The following DPP10 variants were observed in gnomAD, a reference collection of about 807,000 sequenced individuals.
DPP10 encodes inactive dipeptidyl peptidase 10.
Under a neutral mutation model 120.9 loss-of-function variants are expected in DPP10, and 33 were observed. The ratio of observed to expected loss-of-function variants is 0.27; its 90% CI spans 0.21 to 0.37. The LOEUF (loss-of-function observed/expected upper bound fraction) is 0.37. DPP10 is among the 10% of genes least tolerant of loss of function. The pLI is 1.00. For synonymous variants in DPP10, 337 were observed against 326.1 expected, an observed-to-expected ratio of 1.03 and a Z score of -0.36; for missense variants, 816 against 942.8, an observed-to-expected ratio of 0.87 and a Z score of 1.76.
intron 1 of DPP10, among the ~76,000 whole-genome samples, chr2:114,764,333 G>T (rs1574133250): frequency 4.1e-5 from 4 of 97,022 alleles, no homozygotes; most frequent in Admixed American, 3.6e-4. Flanking sequence ...GCTCTTTCTT[G>T]CTGAGTTATT....
intron 1 of DPP10, among the ~76,000 whole-genome samples, chr2:115,238,708 A>G (rs1031254109): frequency 6.6e-6 from 1 of 152,220 alleles, no homozygotes; most frequent in East Asian, 1.9e-4. Context: ...ATTTACTCCC[A>G]GTAAATACGA....
At chr2:114,850,176 G>A (rs544701720) in intron 1 of DPP10, among the ~76,000 whole-genome samples, 103 of 151,520 alleles carry the variant, frequency 6.8e-4, no homozygotes, top group African/African-American at 2.2e-3. Context: ...GCACACCACC[G>A]TGCCTGACTA....
intron 17 of DPP10, among the ~76,000 whole-genome samples, chr2:115,790,322 A>G (rs112439759): frequency 0.013 from 1,957 of 148,140 alleles, 46 homozygotes; most frequent in African/African-American, 0.044. Flanking sequence ...CTCATGATCC[A>G]CCCGCCTCGG....
At chr2:115,534,265 G>A (rs1281610942) in intron 5 of DPP10, among the ~76,000 whole-genome samples, 11 of 151,608 alleles carry the variant, frequency 7.3e-5, no homozygotes, top group Non-Finnish European at 1.3e-4. Context: ...CCCCACTCCC[G>A]GCACCCCACA....
chr2:114,721,653 G>C (rs1174724870), intron 1 of DPP10, among the ~76,000 whole-genome samples: 3 of 152,188 alleles, frequency 2.0e-5, no homozygotes, highest in Non-Finnish European at 4.4e-5. Flanking sequence ...CCTGCTGATA[G>C]TCACTGCCAT....
rs1049046238 is a variant in DPP10 at position 114,474,082 on chromosome 2, C to T, written c.60+31244C>T. On this transcript the variant is annotated intron_variant, in intron 1 of 25. Transcript: ENST00000410059. ...AAGCTATTCTCCCGCCTCAGCCTCC[C>T]GAGTAGCTGGGATTACAGGCGTGCA... 4.6e-5 allele frequency among the ~76,000 whole-genome samples: 7 copies of T among 152,232 alleles called. No homozygotes were observed. In the South Asian group the frequency reaches 6.2e-4, roughly 14 times the overall value.
chr2:115,055,371 G>GT (rs1190729567), intron 1 of DPP10, among the ~76,000 whole-genome samples: 1 of 152,052 alleles, frequency 6.6e-6, no homozygotes, highest in East Asian at 1.9e-4. Context: ...CACTGGAAAT[G>GT]TTTTGTTGTT....
intron 1 of DPP10, among the ~76,000 whole-genome samples, chr2:115,239,810 T>C (rs1209882243): frequency 3.3e-5 from 5 of 152,106 alleles, no homozygotes; most frequent in Admixed American, 3.3e-4. Context: ...TGTCCATGCG[T>C]TCTCATTGTT....
chr2:115,543,284 C>T (rs909265641), intron 5 of DPP10, among the ~76,000 whole-genome samples: 1 of 151,964 alleles, frequency 6.6e-6, no homozygotes, highest in Non-Finnish European at 1.5e-5. Flanking sequence ...AAGTCTCAGT[C>T]TTTCACTCTA....
chr2:114,995,211 C>A (rs1701002261), intron 1 of DPP10, among the ~76,000 whole-genome samples: 1 of 152,182 alleles, frequency 6.6e-6, no homozygotes. Flanking sequence ...CAGCCGTGGC[C>A]ATCCTGGACC....
chr2:114,537,241 C>T (rs900042903), intron 1 of DPP10, among the ~76,000 whole-genome samples: 2 of 152,102 alleles, frequency 1.3e-5, no homozygotes, highest in African/African-American at 2.4e-5. Context: ...GCTAGACTAC[C>T]GTGAGATCTG....
intron 1 of DPP10, among the ~76,000 whole-genome samples, chr2:114,679,004 A>T (rs1360903985): frequency 6.6e-6 from 1 of 152,058 alleles, no homozygotes; most frequent in Non-Finnish European, 1.5e-5. Context: ...TATCCAAACA[A>T]TTTGAGACCC....
chr2:115,729,329 T>C (rs1313714595), intron 8 of DPP10, among the ~76,000 whole-genome samples: 1 of 152,182 alleles, frequency 6.6e-6, no homozygotes, highest in African/African-American at 2.4e-5. Context: ...CTTCAAAATA[T>C]TATTGGTACT....
intron 21 of DPP10, among the ~76,000 whole-genome samples, chr2:115,830,662 T>A (rs756265966): frequency 3.9e-5 from 6 of 152,124 alleles, no homozygotes; most frequent in Non-Finnish European, 7.4e-5. Context: ...TGGTGAGAGT[T>A]TGATTCCAAA....
chr2:114,771,901 C>T lies in DPP10; in HGVS notation c.60+329063C>T, dbSNP rs1312238529. 3.3e-5 allele frequency among the ~76,000 whole-genome samples: 5 copies of T among 152,138 alleles called. No individual in the cohort carries two copies. The Middle Eastern group carries it at 0.01, about 310-fold the overall frequency. On this transcript the variant is annotated intron_variant, in intron 1 of 25. Coordinates refer to ENST00000410059, the MANE Select transcript of DPP10 (RefSeq NM_020868.6). ...TTTTTTTTTCCAAGGAAGCAGATTA[C>T]GTCTTGAAACACCCTTTACTCTCAG... is the stretch of plus-strand genomic sequence containing the variant.
At chr2:114,951,309 G>T (rs961239659) in intron 1 of DPP10, among the ~76,000 whole-genome samples, 1 of 152,046 alleles carries the variant, frequency 6.6e-6, no homozygotes, top group African/African-American at 2.4e-5. Flanking sequence ...CCATACTATT[G>T]TCATGTTTAT....
intron 5 of DPP10, among the ~76,000 whole-genome samples, chr2:115,686,814 T>C (rs2091014278): frequency 6.6e-6 from 1 of 151,970 alleles, no homozygotes; most frequent in South Asian, 2.1e-4. Context: ...CTCTAATAAG[T>C]AGTGGAACAT....
At chr2:114,876,076 C>A (rs1042932355) in intron 1 of DPP10, among the ~76,000 whole-genome samples, 18 of 151,874 alleles carry the variant, frequency 1.2e-4, no homozygotes, top group African/African-American at 4.4e-4. Flanking sequence ...AAATATTTGA[C>A]AAGCACTTTA....
chr2:114,878,353 T>C (rs1450673642), intron 1 of DPP10, among the ~76,000 whole-genome samples: 1 of 152,128 alleles, frequency 6.6e-6, no homozygotes, highest in African/African-American at 2.4e-5. Context: ...TTCTGATACA[T>C]GCATACAAAG....
Sources: allele counts gnomAD v4.1 joint callset (sites outside exome capture counted in the v4.1 genomes callset), GRCh38; gene constraint gnomAD v4.1.1; transcripts MANE v1.5; gene names NCBI Gene and HGNC (gene_info 2026-07-23, HGNC 2026-07-21).